Variants in C1orf87 observed in about 807,000 individuals in gnomAD.
The protein encoded by C1orf87 is uncharacterized protein C1orf87.
In C1orf87, 58 loss-of-function variants were observed where a neutral mutation model predicts 60.5. That is an observed-to-expected ratio of 0.96 (90% CI 0.78 to 1.19). C1orf87 has a LOEUF of 1.19. Among genes scored for constraint, C1orf87 ranks in the 50% most tolerant of loss-of-function variants. The pLI is 0.00. For synonymous variants in C1orf87, 236 were observed against 227.4 expected (o/e 1.04, Z -0.34); for missense variants, 673 against 638.6 (o/e 1.05, Z -0.58).
At chr1:60,060,158 A>C (rs1488681311) in intron 2 of C1orf87, among the ~76,000 whole-genome samples, 1 of 151,570 alleles carries the variant, frequency 6.6e-6, no homozygotes, top group African/African-American at 2.4e-5. Flanking sequence ...CTTCGAAAAG[A>C]TCAAAAAAAT....
intron 2 of C1orf87, among the ~76,000 whole-genome samples, chr1:60,066,556 C>T (rs2100334173): frequency 6.6e-6 from 1 of 152,284 alleles, no homozygotes; most frequent in Middle Eastern, 3.4e-3. Flanking sequence ...ATTTTCACCA[C>T]ACCTGCAGTG....
chr1:60,073,282 G>A (rs1645596241), intron 1 of C1orf87, among the ~76,000 whole-genome samples: 3 of 152,184 alleles, frequency 2.0e-5, no homozygotes, highest in South Asian at 2.1e-4. Context: ...TAAACAGAGT[G>A]ATGCCAAGGG....
At chr1:59,993,593 G>C (rs1644941241) in intron 11 of C1orf87, among the ~76,000 whole-genome samples, 1 of 151,944 alleles carries the variant, frequency 6.6e-6, no homozygotes. Flanking sequence ...AAGATGCCTA[G>C]AGTCAAACAA....
intron 7 of C1orf87, 133 bp from the exon 8 acceptor site, chr1:60,025,631 G>A: frequency 1.5e-6 from 1 of 657,036 alleles, no homozygotes; most frequent in Non-Finnish European, 2.4e-6. Context: ...TAATACCCAG[G>A]AGTACATTCT....
intron 2 of C1orf87, among the ~76,000 whole-genome samples, chr1:60,057,500 C>G (rs1043141739): frequency 1.3e-5 from 2 of 151,970 alleles, no homozygotes; most frequent in African/African-American, 4.8e-5. Flanking sequence ...GTTGAAATGC[C>G]AATGGTGAAT....
intron 11 of C1orf87, among the ~76,000 whole-genome samples, chr1:59,992,629 G>T (rs1644932190): frequency 6.6e-6 from 1 of 152,126 alleles, no homozygotes; most frequent in Admixed American, 6.6e-5. Flanking sequence ...CAGAGGCAGT[G>T]CCTTGTCATT....
intron 2 of C1orf87, among the ~76,000 whole-genome samples, chr1:60,056,850 G>C (rs1645460570): frequency 6.6e-6 from 1 of 152,146 alleles, no homozygotes; most frequent in Non-Finnish European, 1.5e-5. Flanking sequence ...GTTATTTATA[G>C]ATACAGTGGA....
chr1:60,038,829 T>C (rs552593316), intron 5 of C1orf87, among the ~76,000 whole-genome samples: 9 of 152,304 alleles, frequency 5.9e-5, no homozygotes, highest in Admixed American at 2.6e-4. Flanking sequence ...CCATTTCCAC[T>C]GCTAAGCTGG....
At position 60,025,462 on chromosome 1, in the gene C1orf87, T is replaced by G; in HGVS notation, c.1066A>C (p.Thr356Pro). 6 of 1,613,228 alleles carry G rather than the reference T, an allele frequency of 3.7e-6. No homozygotes were observed. Among genetic ancestry groups the G allele is most frequent in the Non-Finnish European group, 5.1e-6 (6 of 1,179,600 alleles). ...AGCAATGTTTCCAGCAGGCTCAGGG[T>G]CAGATATAATCCATGCTTCCCACAT... ...AICGKHGLYL[T>P]LSLLETLLNH... Residue 356 changes from threonine to proline, a missense_variant, in exon 8 of 12, where the codon ACC becomes CCC. Thr to Pro is a conservative substitution (Grantham distance 38). Coordinates refer to ENST00000371201, the MANE Select transcript of C1orf87 (RefSeq NM_152377.3).
intron 8 of C1orf87, among the ~76,000 whole-genome samples, chr1:60,016,339 T>G (rs1645124261): frequency 6.6e-6 from 1 of 152,194 alleles, no homozygotes; most frequent in Admixed American, 6.5e-5. Flanking sequence ...TAGGTGCATA[T>G]GCATTAATTC....
intron 6 of C1orf87, among the ~76,000 whole-genome samples, chr1:60,036,440 T>C (rs1233266647): frequency 6.6e-6 from 1 of 152,170 alleles, no homozygotes; most frequent in Admixed American, 6.5e-5. Flanking sequence ...TGCCACATTA[T>C]TTGCAGCTGA....
chr1:60,062,856 G>A (rs189530078), intron 2 of C1orf87, among the ~76,000 whole-genome samples: 35 of 152,080 alleles, frequency 2.3e-4, no homozygotes, highest in Non-Finnish European at 3.7e-4. Flanking sequence ...TGGGATCAAC[G>A]GACACTTATA....
At chr1:60,064,655 T>G (rs1286574822) in intron 2 of C1orf87, among the ~76,000 whole-genome samples, 3 of 110,534 alleles carry the variant, frequency 2.7e-5, no homozygotes, top group Non-Finnish European at 5.1e-5. Flanking sequence ...ATTTTATATA[T>G]TAAATATATA....
Position 60,038,106 on chromosome 1 carries a change from A to T in C1orf87, c.749T>A (p.Val250Glu), listed in dbSNP as rs1411574831. The T allele has an allele frequency of 2.6e-6, 4 of 1,510,868 alleles. No homozygotes were observed. Among genetic ancestry groups the T allele is most frequent in the African/African-American group, 2.7e-5 (2 of 73,808 alleles). 93.6% of individuals were successfully genotyped at this position (1,510,868 alleles called of 1,614,324 possible). ...RFSKRGSPEM[V>E]NYEKLLWFLN... is the part of the protein sequence containing the mutation. The stretch of plus-strand genomic sequence containing the variant: ...AAACCAGAGTAGCTTTTCATAATTC[A>T]CCTGAAAATTAAATGTAAAATAGAA... The change falls in exon 6 of 12, where the codon GTG (valine) becomes GAG (glutamate). Residue 250 changes from valine to glutamate, a missense_variant and splice_region_variant. Val to Glu is a moderately radical substitution (Grantham distance 121). Coordinates refer to ENST00000371201, the MANE Select transcript of C1orf87 (RefSeq NM_152377.3).
intron 8 of C1orf87, among the ~76,000 whole-genome samples, chr1:60,024,655 C>T (rs932077559): frequency 1.7e-4 from 26 of 152,104 alleles, no homozygotes; most frequent in African/African-American, 5.6e-4. Flanking sequence ...TTCTTGAACT[C>T]GAAACTCTGT....
intron 7 of C1orf87, among the ~76,000 whole-genome samples, chr1:60,029,637 GTTTTTTTTTTT>G (rs34501342): frequency 4.2e-5 from 4 of 95,648 alleles, no homozygotes; most frequent in African/African-American, 1.7e-4. Context: ...GTCCCCCCAA[GTTTTTTTTTTT>G]TTTTTTTTTT....
chr1:60,038,101 A>T lies in C1orf87; in HGVS notation c.754T>A (p.Tyr252Asn). 6.6e-7 allele frequency: 1 copy of T among 1,520,836 alleles called. No individual in the cohort carries two copies. The highest frequency in any genetic ancestry group is 9.0e-7 in the Non-Finnish European group (1 of 1,111,830). 94.2% of individuals were successfully genotyped at this position (1,520,836 alleles called of 1,614,324 possible). ...SKRGSPEMVN[Y>N]EKLLWFLNSA... is the part of the protein sequence containing the mutation. ...TTTAAAAACCAGAGTAGCTTTTCAT[A>T]ATTCACCTGAAAATTAAATGTAAAA... Residue 252 changes from tyrosine to asparagine, a missense_variant, in exon 6 of 12, where the codon TAT becomes AAT. Tyr to Asn is a moderately radical substitution (Grantham distance 143, BLOSUM62 -2). Coordinates refer to ENST00000371201, the MANE Select transcript of C1orf87 (RefSeq NM_152377.3).
chr1:60,060,976 T>G (rs1196622408), intron 2 of C1orf87, among the ~76,000 whole-genome samples: 2 of 152,206 alleles, frequency 1.3e-5, no homozygotes, highest in African/African-American at 4.8e-5. Context: ...GCAAAATGAC[T>G]GTGCAACTGC....
chr1:60,003,377 C>T (rs1232369378), intron 9 of C1orf87, among the ~76,000 whole-genome samples: 1 of 151,368 alleles, frequency 6.6e-6, no homozygotes. Context: ...TGATAGATAA[C>T]GAGTTAGTGG....
Sources: gnomAD v4.1 joint callset for allele counts (sites outside exome capture counted in the v4.1 genomes callset) on GRCh38, gnomAD v4.1.1 for gene constraint, MANE v1.5 for transcripts, NCBI Gene and HGNC (gene_info 2026-07-23, HGNC 2026-07-21) for gene names.